Variants in UBR4 observed in about 807,000 individuals in gnomAD.
UBR4 encodes E3 ubiquitin-protein ligase UBR4.
Under a neutral mutation model 575.6 loss-of-function variants are expected in UBR4, and 124 were observed. The ratio of observed to expected loss-of-function variants is 0.22; its 90% CI spans 0.19 to 0.25. The LOEUF is 0.25. Ranked by LOEUF, UBR4 falls within the 10% of genes least tolerant of loss-of-function variation. UBR4 has a pLI of 1.00. For synonymous variants in UBR4, 2,455 were observed against 2,473.7 expected (o/e 0.99, Z 0.22); for missense variants, 4,818 against 6,478.8 (o/e 0.74, Z 8.80).
intron 90 of UBR4, 123 bp from the exon 91 acceptor site, chr1:19,097,403 C>T: frequency 1.5e-6 from 1 of 660,072 alleles, no homozygotes; most frequent in South Asian, 2.4e-5. Flanking sequence ...TACAAAGTCT[C>T]AACCACAACA....
At chr1:19,177,831 C>A in intron 18 of UBR4, 88 bp from the exon 19 acceptor site, 1 of 1,409,688 alleles carries the variant, frequency 7.1e-7, no homozygotes. Flanking sequence ...AGTTAAATTT[C>A]CTAAACCCAG....
Position 19,122,900 on chromosome 1 carries a change from A to T in UBR4, c.9749T>A (p.Phe3250Tyr). The T allele has an allele frequency of 6.2e-7, 1 of 1,614,212 alleles. No homozygotes were observed. ...GGCTGTAACCACACTTGCCCGGAGGAATATCCCCTGCTCTTCTAGCAGCTT... is the reference window on the plus strand; with the variant it reads ...GGCTGTAACCACACTTGCCCGGAGGTATATCCCCTGCTCTTCTAGCAGCTT... Reference protein sequence around the residue: ...IKKLLEEQGIFLRASVVTASS... With the variant: ...IKKLLEEQGIYLRASVVTASS... The change falls in exon 66 of 106, where the codon TTC becomes TAC. Residue 3250 changes from phenylalanine (F) to tyrosine (Y), a missense_variant. Around this residue, in one of 29 missense-constraint regions of UBR4, gnomAD observed 550 missense variants for 791.5 expected, o/e 0.69. Coordinates refer to ENST00000375254, the MANE Select transcript of UBR4 (RefSeq NM_020765.3).
intron 90 of UBR4, among the ~76,000 whole-genome samples, chr1:19,098,464 C>T (rs141651228): frequency 1.5e-4 from 23 of 152,376 alleles, no homozygotes; most frequent in African/African-American, 4.8e-4. Flanking sequence ...GGGAGATACC[C>T]TGGTGCATTC....
intron 58 of UBR4, 48 bp downstream of exon 58, chr1:19,140,740 C>CT (rs2083800691): frequency 1.3e-6 from 2 of 1,568,630 alleles, no homozygotes; most frequent in African/African-American, 2.7e-5. Flanking sequence ...GAAACAAGGC[C>CT]TGAGGGTCCT....
At chr1:19,163,664 C>T (rs1169941191) in intron 34 of UBR4, 100 bp downstream of exon 34, 3 of 1,274,698 alleles carry the variant, frequency 2.4e-6, no homozygotes, top group East Asian at 4.6e-5. Context: ...GTAGGCTAGC[C>T]AGGCACAGAA....
At chr1:19,195,122 G>T (rs1386258371) in intron 8 of UBR4, among the ~76,000 whole-genome samples, 1 of 151,248 alleles carries the variant, frequency 6.6e-6, no homozygotes, top group Non-Finnish European at 1.5e-5. Context: ...AAAATTAGCC[G>T]GGCATGGTAG....
intron 44 of UBR4, among the ~76,000 whole-genome samples, chr1:19,154,598 A>G (rs1010413092): frequency 6.6e-6 from 1 of 152,200 alleles, no homozygotes; most frequent in Non-Finnish European, 1.5e-5. Flanking sequence ...ATGAGTGTCT[A>G]AGAGAAATTT....
intron 78 of UBR4, chr1:19,111,644 C>A (rs909823721): frequency 7.1e-6 from 1 of 140,784 alleles, no homozygotes; most frequent in African/African-American, 2.7e-5. Flanking sequence ...TTTTTTGAGA[C>A]GGAGTCTCGC....
At chr1:19,147,517 T>C (rs1422775545) in intron 51 of UBR4, among the ~76,000 whole-genome samples, 1 of 152,208 alleles carries the variant, frequency 6.6e-6, no homozygotes, top group Non-Finnish European at 1.5e-5. Flanking sequence ...TTGTCTCCTT[T>C]GGCAATGCCT....
chr1:19,160,987 T>C lies in UBR4; in HGVS notation c.5336A>G (p.Asp1779Gly). 1 of 1,614,200 alleles carries C rather than the reference T, an allele frequency of 6.2e-7. No homozygotes were observed. The highest frequency in any genetic ancestry group is 8.5e-7 in the Non-Finnish European group (1 of 1,180,034). The change falls in exon 38 of 106, where the codon GAC (aspartate) becomes GGC (glycine). Residue 1779 changes from aspartate (D) to glycine (G), a missense_variant. Around this residue, in one of 29 missense-constraint regions of UBR4, gnomAD observed 159 missense variants for 174.6 expected, o/e 0.91. Coordinates refer to ENST00000375254, the MANE Select transcript of UBR4 (RefSeq NM_020765.3). ...GCTGCTCTTCTTGGGCTTCTCTTCG[T>C]CAGCAACCTTTCCATCACTGATGGT... is the stretch of plus-strand genomic sequence containing the variant. Reference protein sequence around the residue: ...KVTISDGKVADEEKPKKSSLC... With the variant: ...KVTISDGKVAGEEKPKKSSLC...
rs148396212 is a variant in UBR4 at position 19,098,765 on chromosome 1, T to C, written c.13302+832A>G. On this transcript the variant is annotated intron_variant, in intron 90 of 105. Transcript: ENST00000375254. ...TGAAGATCAAAATCTACAAATAGTATACTGCCAATTTAGTTTCTCAAACTC... is the reference window on the plus strand; with the variant it reads ...TGAAGATCAAAATCTACAAATAGTACACTGCCAATTTAGTTTCTCAAACTC... Among the ~76,000 whole-genome samples the C allele has an allele frequency of 7.2e-4, 109 of 152,322 alleles. 1 individual carries two copies. The highest frequency in any genetic ancestry group is 4.8e-3 in the Admixed American group (74 of 15,306).
Position 19,156,937 on chromosome 1 carries a change from C to A in UBR4, c.5761-12G>T. On this transcript the variant is annotated splice_polypyrimidine_tract_variant and intron_variant, in intron 40 of 105. Transcript: ENST00000375254. ...TGCAGAACGGTGATCTGCAAAGGAA[C>A]AATGACTAATTTATTCCTACTCCTG... 6.2e-7 allele frequency: 1 copy of A among 1,610,972 alleles called. No individual in the cohort carries two copies. Among genetic ancestry groups the A allele is most frequent in the Non-Finnish European group, 8.5e-7 (1 of 1,178,022 alleles).
At chr1:19,166,396 C>G (rs1294705058) in intron 29 of UBR4, among the ~76,000 whole-genome samples, 4 of 151,406 alleles carry the variant, frequency 2.6e-5, no homozygotes, top group Admixed American at 2.6e-4. Context: ...CTCATCAGAG[C>G]TAGTGCAGCA....
At chr1:19,105,282 T>C (rs1244385963) in intron 84 of UBR4, 93 bp from the exon 85 acceptor site, 3 of 1,426,694 alleles carry the variant, frequency 2.1e-6, no homozygotes, top group Non-Finnish European at 2.8e-6. Context: ...CTTTCCTATC[T>C]TCTGCTGTCT....
At chr1:19,160,786 G>A in intron 38 of UBR4, 131 bp downstream of exon 38, 1 of 840,130 alleles carries the variant, frequency 1.2e-6, no homozygotes, top group South Asian at 1.6e-5. Context: ...CATAGTATTT[G>A]CATTCACACT....
Position 19,086,662 on chromosome 1 carries a change from C to T in UBR4, c.14687+17G>A. The T allele has an allele frequency of 6.2e-7, 1 of 1,612,476 alleles. No homozygotes were observed. ...CAGGCCTACTGAAGGAGCCATTCCG[C>T]AAGAGCCAGGGCCTACCTGACGGCA... On this transcript the variant is annotated intron_variant, in intron 100 of 105. Transcript: ENST00000375254.
intron 73 of UBR4, 31 bp from the exon 74 acceptor site, chr1:19,115,668 T>C: frequency 6.2e-7 from 1 of 1,612,030 alleles, no homozygotes; most frequent in Non-Finnish European, 8.5e-7. Flanking sequence ...TGAGATTTTC[T>C]CATCTAACCC....
At chr1:19,207,098 G>A (rs767418760) in intron 1 of UBR4, among the ~76,000 whole-genome samples, 3 of 152,274 alleles carry the variant, frequency 2.0e-5, no homozygotes, top group South Asian at 2.1e-4. Flanking sequence ...GATGGTCCCC[G>A]GTGACAAGGA....
intron 54 of UBR4, among the ~76,000 whole-genome samples, chr1:19,144,421 C>T (rs1005931757): frequency 1.3e-5 from 2 of 152,208 alleles, no homozygotes; most frequent in Non-Finnish European, 2.9e-5. Flanking sequence ...TAGCTCTGTG[C>T]TAAAATCAGT....
Sources: allele counts gnomAD v4.1 joint callset (sites outside exome capture counted in the v4.1 genomes callset), GRCh38; gene constraint gnomAD v4.1.1; regional missense constraint gnomAD v4.1.1; transcripts MANE v1.5; gene names NCBI Gene and HGNC (gene_info 2026-07-23, HGNC 2026-07-21).